The following PRKCH variants were observed in gnomAD, a reference collection of about 807,000 sequenced individuals.
The protein encoded by PRKCH is protein kinase C eta.
PRKCH carries 28 observed loss-of-function variants against 82.5 expected under a neutral mutation model. The observed-to-expected ratio is 0.34, with a 90% CI of 0.25 to 0.47. The LOEUF is 0.47. Ranked by LOEUF, PRKCH falls within the 20% of genes least tolerant of loss-of-function variation. PRKCH has a pLI of 1.00. For synonymous variants in PRKCH, 322 were observed against 327.4 expected (o/e 0.98, Z 0.18); for missense variants, 705 against 881.8 (o/e 0.80, Z 2.54).
chr14:61,280,421 T>TG lies in PRKCH; in HGVS notation c.-19+92754dup, dbSNP rs766822556. On this transcript the variant is annotated intron_variant, in intron 1 of 3. Coordinates refer to the PRKCH transcript ENST00000555185. The surrounding 1 kb of genome is among the most constrained non-coding windows in gnomAD (Gnocchi z 5.0). ...ACGAAGTCCTGATTGATGAAGCCGG[T>TG]GTTGTTGGGGTCGGGGCTGAGCTCG... 11 of 1,613,744 alleles carry TG rather than the reference T, an allele frequency of 6.8e-6. No individual in the cohort carries two copies. Among genetic ancestry groups the TG allele is most frequent in the Non-Finnish European group, 9.3e-6 (11 of 1,179,832 alleles).
intron 1 of PRKCH, among the ~76,000 whole-genome samples, chr14:61,350,361 A>T (rs2046055535): frequency 6.6e-6 from 1 of 152,188 alleles, no homozygotes; most frequent in Non-Finnish European, 1.5e-5. Context: ...GTTTCTTTGT[A>T]TACAAACAGT....
At chr14:61,326,650 T>G (rs1042520280) in intron 1 of PRKCH, among the ~76,000 whole-genome samples, 2 of 152,190 alleles carry the variant, frequency 1.3e-5, no homozygotes, top group African/African-American at 4.8e-5. Context: ...TTACTGAAGG[T>G]GTTAAGTAAG....
intron 1 of PRKCH, among the ~76,000 whole-genome samples, chr14:61,211,620 C>A (rs2140046465): frequency 6.6e-6 from 1 of 152,236 alleles, no homozygotes; most frequent in Non-Finnish European, 1.5e-5. Context: ...TGCAGTCACA[C>A]ATGAGTAGGC....
chr14:61,351,618 C>T (rs544869090), intron 1 of PRKCH, among the ~76,000 whole-genome samples: 6 of 152,216 alleles, frequency 3.9e-5, no homozygotes, highest in Admixed American at 2.6e-4. Context: ...AGTGACGATT[C>T]GAGAGATTCT....
chr14:61,323,082 A>T (rs998938231), intron 1 of PRKCH, among the ~76,000 whole-genome samples: 2 of 152,070 alleles, frequency 1.3e-5, no homozygotes, highest in African/African-American at 4.8e-5. Context: ...CAAGTAACTT[A>T]GTCAGTCCGA....
At chr14:61,286,145 C>T (rs1224141292) in intron 1 of PRKCH, among the ~76,000 whole-genome samples, 1 of 152,208 alleles carries the variant, frequency 6.6e-6, no homozygotes, top group Non-Finnish European at 1.5e-5. Flanking sequence ...TTTTAATTGG[C>T]ATTCCCTTAT....
intron 2 of PRKCH, among the ~76,000 whole-genome samples, chr14:61,427,426 T>TAGGATTGGGAGGACCTGG (rs1883164216): frequency 6.6e-6 from 1 of 152,128 alleles, no homozygotes; most frequent in Admixed American, 6.5e-5. Flanking sequence ...TTAATCTCTT[T>TAGGATTGGGAGGACCTGG]AGGATTGGGA....
At chr14:61,401,428 A>G (rs1881612363) in intron 2 of PRKCH, among the ~76,000 whole-genome samples, 1 of 152,154 alleles carries the variant, frequency 6.6e-6, no homozygotes, top group Non-Finnish European at 1.5e-5. Flanking sequence ...TTCATTCTCA[A>G]AGTGTGATCC....
Position 61,447,332 on chromosome 14 carries a change from A to G in PRKCH, c.613+1606A>G, listed in dbSNP as rs78517846. Among the ~76,000 whole-genome samples, 1,447 of 152,368 alleles carry G rather than the reference A, an allele frequency of 9.5e-3. 19 individuals are homozygous for G. The highest frequency in any genetic ancestry group is 0.033 in the African/African-American group (1,359 of 41,576). On this transcript the variant is annotated intron_variant, in intron 4 of 13. Coordinates refer to ENST00000332981, the MANE Select transcript of PRKCH (RefSeq NM_006255.5). ...CTGATAGAATCACAAGGAAAAATGAACAAATCCACTTCTATAGTTGGAGAC... is the reference window on the plus strand; with the variant it reads ...CTGATAGAATCACAAGGAAAAATGAGCAAATCCACTTCTATAGTTGGAGAC...
At chr14:61,404,743 C>A (rs1393088179) in intron 2 of PRKCH, among the ~76,000 whole-genome samples, 7 of 152,122 alleles carry the variant, frequency 4.6e-5, no homozygotes, top group Admixed American at 2.0e-4. Context: ...TCAGGGAAGG[C>A]CCCTCTGATG....
At chr14:61,534,991 T>A (rs2043088596) in intron 12 of PRKCH, among the ~76,000 whole-genome samples, 1 of 152,206 alleles carries the variant, frequency 6.6e-6, no homozygotes, top group South Asian at 2.1e-4. Context: ...TTCAGCAACA[T>A]CATCAAGGTT....
rs78297679 is a variant in PRKCH, at chr14:61,538,134, G to T, written c.1761+7539G>T. Among the ~76,000 whole-genome samples the T allele has an allele frequency of 1.2e-3, 183 of 152,356 alleles. 5 individuals are homozygous for T. The East Asian group carries it at 0.033, about 28-fold the overall frequency. On this transcript the variant is annotated intron_variant, in intron 12 of 13. Coordinates refer to ENST00000332981, the MANE Select transcript of PRKCH (RefSeq NM_006255.5). Reference sequence around the variant, plus strand: ...GAGGGAAAAATGGGACCCGAGTAACGCAGAGGATCCAACCCCAGATCATTA... The same window carrying T: ...GAGGGAAAAATGGGACCCGAGTAACTCAGAGGATCCAACCCCAGATCATTA...
At chr14:61,407,008 G>A (rs778809807) in intron 2 of PRKCH, among the ~76,000 whole-genome samples, 2 of 151,854 alleles carry the variant, frequency 1.3e-5, no homozygotes, top group Non-Finnish European at 2.9e-5. Context: ...TTTTTGATCC[G>A]GGGCTGATTT....
intron 10 of PRKCH, among the ~76,000 whole-genome samples, chr14:61,523,365 G>A (rs1463597165): frequency 6.6e-6 from 1 of 152,184 alleles, no homozygotes; most frequent in Admixed American, 6.5e-5. Flanking sequence ...CCCTCAGGTG[G>A]TTCTTGTTTC....
At chr14:61,285,868 A>C (rs895881442) in intron 1 of PRKCH, among the ~76,000 whole-genome samples, 2 of 152,176 alleles carry the variant, frequency 1.3e-5, no homozygotes, top group African/African-American at 4.8e-5. Flanking sequence ...AAAAACGTTA[A>C]CCTTGAACCA....
chr14:61,192,667 G>A (rs1464170810), intron 1 of PRKCH, among the ~76,000 whole-genome samples: 1 of 152,166 alleles, frequency 6.6e-6, no homozygotes, highest in African/African-American at 2.4e-5. Context: ...AGAGCTTTCT[G>A]ACCTAAATGT....
intron 10 of PRKCH, among the ~76,000 whole-genome samples, chr14:61,523,932 T>C (rs2042935385): frequency 6.6e-6 from 1 of 152,236 alleles, no homozygotes; most frequent in African/African-American, 2.4e-5. Context: ...CGAGGGAGCA[T>C]GTTTGGACGT....
At chr14:61,301,441 C>T (rs1469311465) in intron 1 of PRKCH, among the ~76,000 whole-genome samples, 5 of 152,156 alleles carry the variant, frequency 3.3e-5, no homozygotes, top group African/African-American at 1.2e-4. Flanking sequence ...TTTTTTACTT[C>T]AATTATATTT....
At chr14:61,292,726 G>A (rs1422720868) in intron 1 of PRKCH, among the ~76,000 whole-genome samples, 2 of 139,064 alleles carry the variant, frequency 1.4e-5, no homozygotes, top group Non-Finnish European at 3.0e-5. Flanking sequence ...ACCCAAGATT[G>A]AGCTGCTGCA....
Sources: gnomAD v4.1 joint callset for allele counts (sites outside exome capture counted in the v4.1 genomes callset) on GRCh38, gnomAD v4.1.1 for gene constraint, Gnocchi (gnomAD v3.1) non-coding constraint, MANE v1.5 for transcripts, NCBI Gene and HGNC (gene_info 2026-07-23, HGNC 2026-07-21) for gene names.